The following BCAT1 variants were observed in gnomAD, a reference collection of about 807,000 sequenced individuals.
BCAT1 encodes the protein branched chain amino acid transaminase 1.
A neutral mutation model predicts 52.4 loss-of-function variants in BCAT1; 48 were observed. The observed-to-expected ratio is 0.92, with a 90% CI of 0.73 to 1.16. The LOEUF (loss-of-function observed/expected upper bound fraction) is 1.16. BCAT1 is among the 50% of genes most tolerant of loss of function. BCAT1 has a pLI of 0.00. For synonymous variants in BCAT1, 167 were observed against 161.3 expected, an observed-to-expected ratio of 1.04 and a Z score of -0.27; for missense variants, 451 against 457.1, an observed-to-expected ratio of 0.99 and a Z score of 0.12.
At chr12:24,883,607 TAAATTA>T (rs1190465279) in intron 3 of BCAT1, among the ~76,000 whole-genome samples, 1 of 152,104 alleles carries the variant, frequency 6.6e-6, no homozygotes, top group Non-Finnish European at 1.5e-5. Context: ...TAAACTAAAT[TAAATTA>T]AAATTAAAAT....
chr12:24,876,055 T>C (rs1157146986), intron 5 of BCAT1, among the ~76,000 whole-genome samples: 3 of 152,146 alleles, frequency 2.0e-5, no homozygotes, highest in Non-Finnish European at 4.4e-5. Context: ...TATTATTTTA[T>C]AATAAAGTAT....
At chr12:24,849,660 A>C in intron 6 of BCAT1, 126 bp downstream of exon 6, 3 of 1,101,324 alleles carry the variant, frequency 2.7e-6, no homozygotes, top group African/African-American at 1.6e-5. Context: ...ACTGAAAATT[A>C]ACCATGAAAC....
chr12:24,901,447 A>T (rs923085615), intron 2 of BCAT1, among the ~76,000 whole-genome samples: 1 of 151,480 alleles, frequency 6.6e-6, no homozygotes, highest in Non-Finnish European at 1.5e-5. Flanking sequence ...TTCACTGTAG[A>T]GTGTTATGTG....
chr12:24,860,259 C>G (rs1941817786), intron 5 of BCAT1, among the ~76,000 whole-genome samples: 2 of 152,254 alleles, frequency 1.3e-5, no homozygotes, highest in South Asian at 2.1e-4. Flanking sequence ...CCTTGGGAAA[C>G]CAATATGTTC....
rs183623214 is a variant in BCAT1, at chr12:24,827,224, T to C, written c.1119+2599A>G. Among the ~76,000 whole-genome samples, 30 of 152,352 alleles carry C rather than the reference T, an allele frequency of 2.0e-4. No individual in the cohort carries two copies. In the East Asian group the frequency reaches 4.6e-3, roughly 23 times the overall value. On this transcript the variant is annotated intron_variant, in intron 10 of 10. Coordinates refer to ENST00000261192, the MANE Select transcript of BCAT1 (RefSeq NM_005504.7). ...AGTTATGTATTTTTTGTTCTATTTG[T>C]GTTCTTTATTTGAGCAAAACTGTAA... is the stretch of plus-strand genomic sequence containing the variant.
chr12:24,895,220 C>A (rs16928168), intron 2 of BCAT1, among the ~76,000 whole-genome samples: 1 of 152,100 alleles, frequency 6.6e-6, no homozygotes. Context: ...AAATTGCATG[C>A]GATACCACCA....
intron 8 of BCAT1, chr12:24,834,624 T>C (rs941451973): frequency 3.1e-6 from 3 of 983,232 alleles, no homozygotes; most frequent in African/African-American, 3.5e-5. Flanking sequence ...AATATTTGAA[T>C]ATTTAAAAGA....
At chr12:24,850,246 A>G (rs1482341799) in intron 5 of BCAT1, among the ~76,000 whole-genome samples, 1 of 152,198 alleles carries the variant, frequency 6.6e-6, no homozygotes, top group African/African-American at 2.4e-5. Flanking sequence ...TATTTCTAAC[A>G]ACTATCTATA....
At position 24,923,833 on chromosome 12, in the gene BCAT1, C is replaced by CA. The variant is rs770341966; in HGVS notation, c.7-21949dup. Among the ~76,000 whole-genome samples the CA allele has an allele frequency of 2.1e-4, 32 of 152,334 alleles. 1 individual carries two copies. In the Middle Eastern group the frequency reaches 0.014, roughly 65 times the overall value. The stretch of plus-strand genomic sequence containing the variant: ...GAGCTGGTACTAGAACCCAGGTCTT[C>CA]AGACCACACAGGGCAATTAACAAAT... On this transcript the variant is annotated intron_variant, in intron 1 of 10. Coordinates refer to ENST00000261192, the MANE Select transcript of BCAT1 (RefSeq NM_005504.7).
At chr12:24,871,613 T>G (rs1467926889) in intron 5 of BCAT1, among the ~76,000 whole-genome samples, 1 of 152,084 alleles carries the variant, frequency 6.6e-6, no homozygotes, top group Non-Finnish European at 1.5e-5. Context: ...GAGTGGTGAA[T>G]GAAGATAGAA....
intron 10 of BCAT1, 67 bp downstream of exon 10, chr12:24,829,756 C>G: frequency 7.8e-7 from 1 of 1,278,550 alleles, no homozygotes; most frequent in Middle Eastern, 1.9e-4. Context: ...TAAGCTCTGA[C>G]AGAAATAAGG....
rs1939856400 is a variant in BCAT1 at position 24,815,878 on chromosome 12, C to T, written c.*2130G>A. 1 of 152,174 alleles carries T rather than the reference C, an allele frequency of 6.6e-6. No individual in the cohort carries two copies. Among genetic ancestry groups the T allele is most frequent in the Non-Finnish European group, 1.5e-5 (1 of 68,036 alleles). 9.4% of individuals were successfully genotyped at this position (152,174 alleles called of 1,614,324 possible). On this transcript the variant is annotated 3_prime_UTR_variant, in exon 11 of 11. Transcript: ENST00000261192. ...TGGCAAATAAATAATTCTCATTTCT[C>T]ATAGGAATAGAAATTTAGTTACTAT...
chr12:24,832,649 T>G lies in BCAT1; in HGVS notation c.1044+74A>C, dbSNP rs928723263. On this transcript the variant is annotated intron_variant, in intron 9 of 10. Coordinates refer to ENST00000261192, the MANE Select transcript of BCAT1 (RefSeq NM_005504.7). The stretch of plus-strand genomic sequence containing the variant: ...CTTGGGTCTGGGTCCAGATACAATT[T>G]TATTCATACACTTAAATTAAATGTA... The G allele has an allele frequency of 3.4e-6, 5 of 1,454,962 alleles. No individual in the cohort carries two copies. In the African/African-American group the frequency reaches 5.7e-5, roughly 17 times the overall value. 90.1% of individuals were successfully genotyped at this position (1,454,962 alleles called of 1,614,324 possible). A position where few individuals can be genotyped will look rare whatever the true frequency, so the allele number is the denominator to read the frequency against.
intron 1 of BCAT1, among the ~76,000 whole-genome samples, chr12:24,907,870 A>G (rs994632842): frequency 6.6e-6 from 1 of 152,144 alleles, no homozygotes; most frequent in African/African-American, 2.4e-5. Context: ...GCCCGCCTGT[A>G]CCCAGGTGAT....
intron 1 of BCAT1, among the ~76,000 whole-genome samples, chr12:24,908,318 A>G (rs1466952440): frequency 6.6e-6 from 1 of 152,252 alleles, no homozygotes; most frequent in African/African-American, 2.4e-5. Context: ...TTCTGTGCTG[A>G]TGGAAACGTT....
rs1939817925 is a variant in BCAT1 at position 24,814,818 on chromosome 12, T to C, written c.*3190A>G. 1 of 146,066 alleles carries C rather than the reference T, an allele frequency of 6.8e-6. No individual in the cohort carries two copies. The highest frequency in any genetic ancestry group is 2.5e-5 in the African/African-American group (1 of 40,424). 9.0% of individuals were successfully genotyped at this position (146,066 alleles called of 1,614,324 possible). On this transcript the variant is annotated 3_prime_UTR_variant, in exon 11 of 11. Transcript: ENST00000261192. ...CCTCTGTTTGTTTTTTTTTTTTTTT[T>C]TTGTCTTACATTTTTTCTTACAGCA...
In BCAT1 at chr12:24,877,820, G is replaced by A. The variant is rs530236922; in HGVS notation, c.510+710C>T. On this transcript the variant is annotated intron_variant, in intron 5 of 10. Transcript: ENST00000261192. ...CAGCACTGCATTTACTCATTTATGT[G>A]CTGTCTATGGCTGCTTTAGTACTAA... Among the ~76,000 whole-genome samples the A allele has an allele frequency of 6.6e-5, 10 of 152,270 alleles. No homozygotes were observed. In the East Asian group the frequency reaches 1.9e-3, roughly 29 times the overall value.
chr12:24,881,785 C>T (rs945996798), intron 3 of BCAT1, among the ~76,000 whole-genome samples: 10 of 152,112 alleles, frequency 6.6e-5, no homozygotes, highest in African/African-American at 1.9e-4. Context: ...CTTGTGGCAC[C>T]GTGGCCCCCA....
Position 24,898,520 on chromosome 12 carries a change from CTTTTTT to C in BCAT1, c.78+3288_78+3293del, listed in dbSNP as rs71448094. ...TGTTTCAGCCAGGGTTCAGTCAACA[CTTTTTT>C]TTTTTTTTTTTTTTTTTTTTGCTCT... On this transcript the variant is annotated intron_variant, in intron 2 of 10. Transcript: ENST00000261192. Among the ~76,000 whole-genome samples, 23 of 38,532 alleles carry C rather than the reference CTTTTTT, an allele frequency of 6.0e-4. No homozygotes were observed. In the East Asian group the frequency reaches 0.013, roughly 21 times the overall value. The allele number at this position is 38,532 out of a possible 152,430, so 25.3% of individuals were successfully genotyped here.
Sources: allele counts gnomAD v4.1 joint callset (sites outside exome capture counted in the v4.1 genomes callset), GRCh38; gene constraint gnomAD v4.1.1; transcripts MANE v1.5; gene names NCBI Gene and HGNC (gene_info 2026-07-23, HGNC 2026-07-21).